ERC2: variants seen among roughly 807,000 people sequenced by gnomAD.
ERC2 encodes ELKS/RAB6-interacting/CAST family member 2.
Under a neutral mutation model 114.8 loss-of-function variants are expected in ERC2, and 42 were observed. The ratio of observed to expected loss-of-function variants is 0.37; its 90% CI spans 0.29 to 0.47. ERC2 has a LOEUF of 0.47. Among genes scored for constraint, ERC2 ranks in the 20% least tolerant of loss-of-function variants. The probability of loss-of-function intolerance (pLI) is 0.99; values close to 1 mark genes in which losing one functional copy is unlikely to be tolerated. For missense variants in ERC2, 939 were observed against 1,150.7 expected, an observed-to-expected ratio of 0.82 and a Z score of 2.66; for synonymous variants, 454 against 425.5, an observed-to-expected ratio of 1.07 and a Z score of -0.82.
intron 7 of ERC2, among the ~76,000 whole-genome samples, chr3:56,054,379 A>G (rs953696940): frequency 1.3e-5 from 2 of 152,202 alleles, no homozygotes; most frequent in Non-Finnish European, 2.9e-5. Context: ...ATTTCAAACC[A>G]CTGCACCCAA....
intron 15 of ERC2, among the ~76,000 whole-genome samples, chr3:55,700,427 T>G (rs1230065467): frequency 6.6e-6 from 1 of 152,206 alleles, no homozygotes. Context: ...GAGAGTAAAC[T>G]ATTTATAAAC....
intron 2 of ERC2, among the ~76,000 whole-genome samples, chr3:56,344,435 C>T (rs1328233738): frequency 6.6e-6 from 1 of 152,120 alleles, no homozygotes; most frequent in Non-Finnish European, 1.5e-5. Flanking sequence ...AACGAAGTGC[C>T]CTCAGGTCTG....
At chr3:56,305,973 C>T (rs2056201073) in intron 2 of ERC2, among the ~76,000 whole-genome samples, 1 of 152,172 alleles carries the variant, frequency 6.6e-6, no homozygotes, top group Non-Finnish European at 1.5e-5. Context: ...CCTCGGCCTC[C>T]CACGTAGCTG....
At chr3:55,672,296 A>G (rs2061593233) in intron 17 of ERC2, among the ~76,000 whole-genome samples, 2 of 149,476 alleles carry the variant, frequency 1.3e-5, no homozygotes, top group African/African-American at 4.9e-5. Flanking sequence ...CCATGATCAC[A>G]CCATTGCACT....
intron 14 of ERC2, among the ~76,000 whole-genome samples, chr3:55,824,439 A>C (rs2060250711): frequency 6.6e-6 from 1 of 152,190 alleles, no homozygotes; most frequent in Non-Finnish European, 1.5e-5. Context: ...AAACTCCCAT[A>C]TGAGTAAGAA....
intron 15 of ERC2, 118 bp downstream of exon 15, chr3:55,734,653 G>C: frequency 7.8e-7 from 1 of 1,287,030 alleles, no homozygotes; most frequent in Non-Finnish European, 1.1e-6. Flanking sequence ...CTCCTACCTG[G>C]TTTTAGGAGC....
intron 6 of ERC2, among the ~76,000 whole-genome samples, chr3:56,081,921 A>C (rs1009318175): frequency 1.3e-5 from 2 of 152,212 alleles, no homozygotes; most frequent in African/African-American, 4.8e-5. Context: ...ACACTAATCC[A>C]GTCTTAAAAT....
chr3:56,369,265 C>T (rs73832718), intron 2 of ERC2, among the ~76,000 whole-genome samples: 3,098 of 152,174 alleles, frequency 0.02, 108 homozygotes, highest in African/African-American at 0.069. Flanking sequence ...CAAACAGTAC[C>T]CACTCCTTTG....
At chr3:56,009,515 G>A (rs1486173842) in intron 9 of ERC2, among the ~76,000 whole-genome samples, 3 of 152,174 alleles carry the variant, frequency 2.0e-5, no homozygotes, top group African/African-American at 7.2e-5. Flanking sequence ...CCACACGAGT[G>A]AGGAAATACT....
At chr3:55,597,402 A>C (rs1477471194) in intron 17 of ERC2, among the ~76,000 whole-genome samples, 1 of 145,764 alleles carries the variant, frequency 6.9e-6, no homozygotes, top group Admixed American at 6.9e-5. Context: ...CCTGGGTGAC[A>C]GAGTGAGACT....
intron 14 of ERC2, among the ~76,000 whole-genome samples, chr3:55,767,561 G>A (rs2067893767): frequency 6.6e-6 from 1 of 152,118 alleles, no homozygotes; most frequent in Non-Finnish European, 1.5e-5. Flanking sequence ...GAGGCAAGGT[G>A]GTCCTTCATG....
At chr3:55,661,032 A>G (rs762977118) in intron 17 of ERC2, among the ~76,000 whole-genome samples, 33 of 152,212 alleles carry the variant, frequency 2.2e-4, no homozygotes, top group Admixed American at 1.2e-3. Flanking sequence ...AAAGTAAAAA[A>G]TGCACCAGCT....
chr3:55,881,437 G>A (rs2063114761), intron 14 of ERC2, among the ~76,000 whole-genome samples: 1 of 152,180 alleles, frequency 6.6e-6, no homozygotes, highest in Non-Finnish European at 1.5e-5. Context: ...GTTTGTATAA[G>A]CATAGGAAAT....
At chr3:56,012,235 C>T (rs1176647848) in intron 8 of ERC2, among the ~76,000 whole-genome samples, 3 of 152,104 alleles carry the variant, frequency 2.0e-5, no homozygotes, top group Non-Finnish European at 4.4e-5. Flanking sequence ...GCCCACACTA[C>T]AACCAATTAC....
At chr3:55,832,761 T>A (rs2060665063) in intron 14 of ERC2, among the ~76,000 whole-genome samples, 1 of 152,232 alleles carries the variant, frequency 6.6e-6, no homozygotes, top group Non-Finnish European at 1.5e-5. Context: ...GGACGGAGAA[T>A]AACTTTGACG....
rs534689056 is a variant in ERC2, at chr3:56,098,332, T to C, written c.1474-17348A>G. On this transcript the variant is annotated intron_variant, in intron 6 of 17. Coordinates refer to ENST00000288221, the MANE Select transcript of ERC2 (RefSeq NM_015576.3). ...CATCAACCAAAGTGGTCTCAATTTC[T>C]ACTGTAGTTTTAGAAGTGGAGCGTG... 2.9e-4 allele frequency among the ~76,000 whole-genome samples: 44 copies of C among 152,348 alleles called. No homozygotes were observed. The South Asian group carries it at 8.1e-3, about 28-fold the overall frequency.
At chr3:55,556,927 C>A (rs1237735779) in intron 17 of ERC2, among the ~76,000 whole-genome samples, 1 of 152,170 alleles carries the variant, frequency 6.6e-6, no homozygotes, top group Non-Finnish European at 1.5e-5. Context: ...TAAGATCAAA[C>A]AATTATTTAC....
At chr3:55,869,591 G>A (rs1381418932) in intron 14 of ERC2, among the ~76,000 whole-genome samples, 1 of 152,074 alleles carries the variant, frequency 6.6e-6, no homozygotes, top group Admixed American at 6.5e-5. Flanking sequence ...CCTCCCTCCT[G>A]AAAGCATTCC....
intron 17 of ERC2, among the ~76,000 whole-genome samples, chr3:55,673,750 C>T (rs574359533): frequency 1.2e-4 from 18 of 151,788 alleles, no homozygotes; most frequent in African/African-American, 3.6e-4. Flanking sequence ...ACACTGAATC[C>T]GTTTACAATC....
Sources: gnomAD v4.1 joint callset for allele counts (sites outside exome capture counted in the v4.1 genomes callset) on GRCh38, gnomAD v4.1.1 for gene constraint, MANE v1.5 for transcripts, NCBI Gene and HGNC (gene_info 2026-07-23, HGNC 2026-07-21) for gene names.